The following AFAP1 variants were observed in gnomAD, a reference collection of about 807,000 sequenced individuals.
AFAP1 encodes actin filament associated protein 1.
In AFAP1, 75 loss-of-function variants were observed where a neutral mutation model predicts 93.9. The ratio of observed to expected loss-of-function variants is 0.80; its 90% CI spans 0.66 to 0.97. The LOEUF is 0.97. Ranked by LOEUF, AFAP1 falls within the 50% of genes least tolerant of loss-of-function variation. The pLI is 0.00. For missense variants in AFAP1, 1,201 were observed against 1,050.8 expected (o/e 1.14, Z -1.98); for synonymous variants, 517 against 430.7 (o/e 1.20, Z -2.48).
At chr4:7,828,828 C>G (rs992470116) in intron 6 of AFAP1, among the ~76,000 whole-genome samples, 4 of 152,202 alleles carry the variant, frequency 2.6e-5, no homozygotes, top group Non-Finnish European at 1.5e-5. Flanking sequence ...GTCATAGTCC[C>G]AGGAGTCTGA....
intron 15 of AFAP1, 130 bp downstream of exon 15, chr4:7,774,609 T>G: frequency 8.9e-4 from 1,159 of 1,304,922 alleles, no homozygotes; most frequent in Non-Finnish European, 1.1e-3. Context: ...AGAAACACTG[T>G]GAGATAACCC....
At chr4:7,874,148 A>C (rs1048349846) in intron 1 of AFAP1, among the ~76,000 whole-genome samples, 2 of 152,164 alleles carry the variant, frequency 1.3e-5, no homozygotes, top group Non-Finnish European at 2.9e-5. Context: ...GTATGGGTAA[A>C]AGATCCACCT....
At chr4:7,864,787 T>C (rs1330567455) in intron 3 of AFAP1, among the ~76,000 whole-genome samples, 2 of 152,204 alleles carry the variant, frequency 1.3e-5, no homozygotes, top group Non-Finnish European at 2.9e-5. Flanking sequence ...GCCGAGTTGA[T>C]GATTCTCTGA....
rs563886849 is a variant in AFAP1 at position 7,854,266 on chromosome 4, T to A, written c.334+1200A>T. Among the ~76,000 whole-genome samples, 12 of 152,324 alleles carry A rather than the reference T, an allele frequency of 7.9e-5. No homozygotes were observed. In the South Asian group the frequency reaches 2.5e-3, roughly 32 times the overall value. On this transcript the variant is annotated intron_variant, in intron 4 of 17. Coordinates refer to ENST00000420658, the MANE Select transcript of AFAP1 (RefSeq NM_001134647.2). ...AAAATCGAAAAATCCATGACCACCT[T>A]ATCAGAACTATCCCTTTTCTCATCC...
rs138842991 is a variant in AFAP1 at position 7,786,297 on chromosome 4, C to T, written c.1427G>A (p.Arg476His). The T allele has an allele frequency of 2.9e-5, 47 of 1,613,740 alleles. No individual in the cohort carries two copies. The highest frequency in any genetic ancestry group is 3.6e-5 in the Non-Finnish European group (43 of 1,179,792). The change falls in exon 12 of 18, where the codon CGT becomes CAT. Residue 476 changes from arginine (R) to histidine (H), a missense_variant. Coordinates refer to ENST00000420658, the MANE Select transcript of AFAP1 (RefSeq NM_001134647.2). The stretch of plus-strand genomic sequence containing the variant: ...TAGATATGGGTTAGCAGATATAACA[C>T]GCCTGTTCATGAAACTGAAAGAAAG... ...AKQTFCFMNR[R>H]VISANPYLGG...
At chr4:7,840,116 G>A (rs1293390186) in intron 5 of AFAP1, among the ~76,000 whole-genome samples, 1 of 152,152 alleles carries the variant, frequency 6.6e-6, no homozygotes, top group African/African-American at 2.4e-5. Context: ...AAAAGTGACA[G>A]ACCAGGACCA....
intron 16 of AFAP1, among the ~76,000 whole-genome samples, chr4:7,771,651 G>T (rs919197885): frequency 6.6e-6 from 1 of 152,164 alleles, no homozygotes; most frequent in East Asian, 1.9e-4. Flanking sequence ...GAAAAACTCA[G>T]GGCCTAGAGA....
chr4:7,860,938 G>A (rs763346889), intron 3 of AFAP1, among the ~76,000 whole-genome samples: 11 of 152,104 alleles, frequency 7.2e-5, no homozygotes, highest in Non-Finnish European at 7.4e-5. Flanking sequence ...CGCTCGCCTC[G>A]CCTCGTGGCT....
At chr4:7,867,058 G>C (rs1716480534) in intron 3 of AFAP1, among the ~76,000 whole-genome samples, 1 of 131,678 alleles carries the variant, frequency 7.6e-6, no homozygotes, top group Non-Finnish European at 1.6e-5. Flanking sequence ...AAAGATGAAA[G>C]AGGGGAGGGG....
At chr4:7,894,290 T>G (rs1219725575) in intron 1 of AFAP1, among the ~76,000 whole-genome samples, 1 of 152,186 alleles carries the variant, frequency 6.6e-6, no homozygotes, top group Non-Finnish European at 1.5e-5. Flanking sequence ...ACAGCAGGGA[T>G]GAGTGTCGCA....
rs1713372647 is a variant in AFAP1, at chr4:7,758,835, A to G, written c.*4930T>C. 6.6e-6 allele frequency: 1 copy of G among 152,214 alleles called. No individual in the cohort carries two copies. Among genetic ancestry groups the G allele is most frequent in the African/African-American group, 2.4e-5 (1 of 41,468 alleles). 9.4% of individuals were successfully genotyped at this position (152,214 alleles called of 1,614,324 possible). On this transcript the variant is annotated 3_prime_UTR_variant, in exon 18 of 18. Coordinates refer to ENST00000420658, the MANE Select transcript of AFAP1 (RefSeq NM_001134647.2). ...CAGGAAATTCAGTGAAGCTACTACA[A>G]AGTGGGGCGAGTGGACTGAAAACTA...
chr4:7,771,502 G>A (rs773061415), intron 16 of AFAP1, among the ~76,000 whole-genome samples: 6 of 152,230 alleles, frequency 3.9e-5, no homozygotes, highest in Non-Finnish European at 8.8e-5. Context: ...GCAATTGTTG[G>A]ATGAGTGGAA....
chr4:7,892,569 A>G (rs1309971017), intron 1 of AFAP1, among the ~76,000 whole-genome samples: 4 of 152,210 alleles, frequency 2.6e-5, no homozygotes, highest in Non-Finnish European at 5.9e-5. Flanking sequence ...ATTCACCTCC[A>G]TCTTTTTGCA....
intron 17 of AFAP1, 70 bp downstream of exon 17, chr4:7,768,774 C>T (rs1334833571): frequency 1.4e-6 from 2 of 1,467,504 alleles, no homozygotes; most frequent in African/African-American, 1.4e-5. Context: ...TCCCTACTCA[C>T]ACCCGAGAAT....
rs6826354 is a variant in AFAP1, at chr4:7,912,586, A to G, written c.-3+27070T>C. On this transcript the variant is annotated intron_variant, in intron 1 of 17. Transcript: ENST00000420658. ...TTTCACTTGCTTATATGTTATCTGA[A>G]ATGTCTCTTCATGTCTTTTACTCAT... 6.4e-3 allele frequency among the ~76,000 whole-genome samples: 970 copies of G among 152,210 alleles called. 6 individuals carry two copies. The highest frequency in any genetic ancestry group is 0.021 in the African/African-American group (863 of 41,524).
rs1369870432 is a variant in AFAP1, at chr4:7,908,437, A to G, written c.-3+31219T>C. On this transcript the variant is annotated intron_variant, in intron 1 of 17. Coordinates refer to ENST00000420658, the MANE Select transcript of AFAP1 (RefSeq NM_001134647.2). ...GTCTAGCCTAGAAGACACTCAGTAA[A>G]TGATTACTGAATTAAGTCAGTTACT... Among the ~76,000 whole-genome samples, 4 of 152,230 alleles carry G rather than the reference A, an allele frequency of 2.6e-5. No individual in the cohort carries two copies. The East Asian group carries it at 7.7e-4, about 29-fold the overall frequency.
At chr4:7,768,659 G>C (rs1714962987) in intron 17 of AFAP1, among the ~76,000 whole-genome samples, 185 bp downstream of exon 17, 1 of 152,212 alleles carries the variant, frequency 6.6e-6, no homozygotes, top group Non-Finnish European at 1.5e-5. Context: ...TGAGAACCCG[G>C]TTCCTAACAG....
chr4:7,929,127 G>GT (rs1042877155), intron 1 of AFAP1, among the ~76,000 whole-genome samples: 5 of 152,236 alleles, frequency 3.3e-5, no homozygotes, highest in African/African-American at 9.6e-5. Context: ...CACAGACTAA[G>GT]TATTTTGTGC....
At chr4:7,779,389 C>T (rs1213201215) in intron 13 of AFAP1, among the ~76,000 whole-genome samples, 1 of 152,206 alleles carries the variant, frequency 6.6e-6, no homozygotes, top group African/African-American at 2.4e-5. Context: ...GCAAGAGAAG[C>T]ATAACACAGG....
Sources: gnomAD v4.1 joint callset for allele counts (sites outside exome capture counted in the v4.1 genomes callset) on GRCh38, gnomAD v4.1.1 for gene constraint, MANE v1.5 for transcripts, NCBI Gene and HGNC (gene_info 2026-07-23, HGNC 2026-07-21) for gene names.